The following ELAPOR2 variants were observed in gnomAD, a reference collection of about 807,000 sequenced individuals.
ELAPOR2 encodes the protein endosome-lysosome associated apoptosis and autophagy regulator family member 2, also known as endosome/lysosome-associated apoptosis and autophagy regulator family member 2.
ELAPOR2 carries 89 observed loss-of-function variants against 120.7 expected under a neutral mutation model. The ratio of observed to expected loss-of-function variants is 0.74; its 90% CI spans 0.62 to 0.88. ELAPOR2 has a LOEUF of 0.88. ELAPOR2 is among the 40% of genes least tolerant of loss of function. ELAPOR2 has a pLI of 0.00. For synonymous variants in ELAPOR2, 444 were observed against 444.9 expected, an observed-to-expected ratio of 1.00 and a Z score of 0.03; for missense variants, 1,134 against 1,251.6, an observed-to-expected ratio of 0.91 and a Z score of 1.42.
At chr7:87,021,210 A>G (rs1794029995) in intron 1 of ELAPOR2, among the ~76,000 whole-genome samples, 1 of 152,124 alleles carries the variant, frequency 6.6e-6, no homozygotes, top group Non-Finnish European at 1.5e-5. Flanking sequence ...TTCCTCTCAA[A>G]GAATCCATGA....
intron 1 of ELAPOR2, among the ~76,000 whole-genome samples, chr7:87,047,820 G>A (rs1328641211): frequency 6.6e-6 from 1 of 152,190 alleles, no homozygotes; most frequent in Admixed American, 6.5e-5. Flanking sequence ...CCCACTGCTG[G>A]TTATGGACTC....
intron 8 of ELAPOR2, among the ~76,000 whole-genome samples, chr7:86,927,314 A>ATGT (rs1259817606): frequency 6.6e-6 from 1 of 151,962 alleles, no homozygotes; most frequent in Non-Finnish European, 1.5e-5. Context: ...TTCCTCCAAC[A>ATGT]GCACATTTCA....
chr7:87,019,152 G>A (rs900014146), intron 1 of ELAPOR2, among the ~76,000 whole-genome samples: 1 of 151,842 alleles, frequency 6.6e-6, no homozygotes, highest in South Asian at 2.1e-4. Context: ...CATCTTCATT[G>A]TATTTTTGTA....
rs770731234 is a variant in ELAPOR2 at position 86,940,085 on chromosome 7, A to G, written c.772T>C (p.Tyr258His). Residue 258 changes from tyrosine to histidine, a missense_variant, in exon 6 of 22, where the codon TAC becomes CAC. Tyr to His is a moderately conservative substitution (Grantham distance 83). Transcript: ENST00000450689. ...ATAAGGATGCCTGTAGTTCTCCAGT[A>G]GAGTATGTTTGTGCCTGATTTCAGC... ...VMLKSGTNIL[Y>H]WRTTGILMGS... The G allele has an allele frequency of 6.8e-6, 11 of 1,612,226 alleles. No homozygotes were observed. Among genetic ancestry groups the G allele is most frequent in the Non-Finnish European group, 9.3e-6 (11 of 1,178,760 alleles).
chr7:86,898,758 G>A (rs1021406442), intron 18 of ELAPOR2, among the ~76,000 whole-genome samples: 8 of 152,050 alleles, frequency 5.3e-5, no homozygotes, highest in African/African-American at 1.2e-4. Flanking sequence ...CAAGAGCAAC[G>A]CAATGAGTGA....
At chr7:86,999,493 T>G (rs1793239763) in intron 1 of ELAPOR2, among the ~76,000 whole-genome samples, 2 of 152,140 alleles carry the variant, frequency 1.3e-5, no homozygotes, top group African/African-American at 4.8e-5. Flanking sequence ...AAAAATGGAT[T>G]GGGTACATAA....
chr7:86,974,612 T>TGTGTGTGTGTGG (rs1792214619), intron 1 of ELAPOR2, among the ~76,000 whole-genome samples: 1 of 151,432 alleles, frequency 6.6e-6, no homozygotes, highest in Non-Finnish European at 1.5e-5. Flanking sequence ...TGTGTGTGTG[T>TGTGTGTGTGTGG]GTGTGTGTTG....
chr7:86,941,298 T>C, intron 5 of ELAPOR2: 2 of 530,474 alleles, frequency 3.8e-6, no homozygotes, highest in South Asian at 2.8e-5. Context: ...TCCATGTCTC[T>C]CTCACTCCAA....
At chr7:86,976,963 C>T (rs917070193) in intron 1 of ELAPOR2, among the ~76,000 whole-genome samples, 14 of 152,150 alleles carry the variant, frequency 9.2e-5, no homozygotes, top group African/African-American at 3.1e-4. Context: ...TGCATAAGTT[C>T]TGTGTTTTCA....
intron 1 of ELAPOR2, among the ~76,000 whole-genome samples, chr7:86,987,545 C>A (rs1792792371): frequency 6.6e-6 from 1 of 152,154 alleles, no homozygotes; most frequent in Non-Finnish European, 1.5e-5. Context: ...AGGATATGAA[C>A]AGACACTTCT....
At chr7:86,927,411 T>C (rs1790125023) in intron 8 of ELAPOR2, among the ~76,000 whole-genome samples, 1 of 151,978 alleles carries the variant, frequency 6.6e-6, no homozygotes, top group Non-Finnish European at 1.5e-5. Context: ...TAGTTCATAA[T>C]ATTGGTAGTG....
chr7:86,989,731 T>C (rs2116591617), intron 1 of ELAPOR2, among the ~76,000 whole-genome samples: 2 of 152,276 alleles, frequency 1.3e-5, no homozygotes, highest in South Asian at 2.1e-4. Flanking sequence ...GTTCTTTAAA[T>C]TGAAATCTTA....
chr7:87,034,853 C>T (rs145739862), intron 1 of ELAPOR2, among the ~76,000 whole-genome samples: 2 of 151,992 alleles, frequency 1.3e-5, no homozygotes, highest in Non-Finnish European at 2.9e-5. Flanking sequence ...GAGGCCAAGG[C>T]GGCTGGATCA....
intron 1 of ELAPOR2, among the ~76,000 whole-genome samples, chr7:86,998,195 T>C (rs1793187917): frequency 6.6e-6 from 1 of 152,186 alleles, no homozygotes; most frequent in African/African-American, 2.4e-5. Context: ...AGTTCTGAAT[T>C]CATCAAGAAG....
chr7:86,983,130 T>A (rs1299390406), intron 1 of ELAPOR2, among the ~76,000 whole-genome samples: 1 of 151,768 alleles, frequency 6.6e-6, no homozygotes, highest in African/African-American at 2.4e-5. Context: ...GAAGAGAAGT[T>A]TAGAGAAAAA....
chr7:86,893,147 T>G, intron 19 of ELAPOR2, 47 bp from the exon 20 acceptor site: 4 of 1,408,266 alleles, frequency 2.8e-6, no homozygotes, highest in Non-Finnish European at 3.8e-6. Context: ...AGAAATGAAA[T>G]TCAGACTCAA....
intron 1 of ELAPOR2, among the ~76,000 whole-genome samples, chr7:86,996,770 C>G (rs1357850021): frequency 2.6e-5 from 4 of 152,148 alleles, no homozygotes; most frequent in Non-Finnish European, 5.9e-5. Flanking sequence ...CAAATGTATT[C>G]TGTCTTAGGA....
intron 12 of ELAPOR2, among the ~76,000 whole-genome samples, chr7:86,916,955 A>ATTTTTTT (rs58682563): frequency 1.2e-5 from 1 of 86,700 alleles, no homozygotes; most frequent in Non-Finnish European, 2.1e-5. Flanking sequence ...TGGCCAGCTA[A>ATTTTTTT]TTTTTTTTTT....
chr7:87,033,569 G>A (rs1794484659), intron 1 of ELAPOR2, among the ~76,000 whole-genome samples: 1 of 152,134 alleles, frequency 6.6e-6, no homozygotes, highest in South Asian at 2.1e-4. Context: ...AAAACAGACT[G>A]TATGTCTTTA....
Sources: gnomAD v4.1 joint callset for allele counts (sites outside exome capture counted in the v4.1 genomes callset) on GRCh38, gnomAD v4.1.1 for gene constraint, MANE v1.5 for transcripts, NCBI Gene and HGNC (gene_info 2026-07-23, HGNC 2026-07-21) for gene names.